Variants in PHLPP2 observed in about 807,000 individuals in gnomAD.
PHLPP2 encodes PH domain leucine-rich repeat-containing protein phosphatase 2.
A neutral mutation model predicts 124.9 loss-of-function variants in PHLPP2; 66 were observed. The ratio of observed to expected loss-of-function variants is 0.53; its 90% CI spans 0.43 to 0.65. The LOEUF is 0.65. Among genes scored for constraint, PHLPP2 ranks in the 30% least tolerant of loss-of-function variants. The probability of loss-of-function intolerance (pLI) is 0.00; values close to 1 mark genes in which losing one functional copy is unlikely to be tolerated. For synonymous variants in PHLPP2, 681 were observed against 624.7 expected (o/e 1.09, Z -1.34); for missense variants, 1,685 against 1,600.4 (o/e 1.05, Z -0.90).
At chr16:71,655,677 G>T (rs949758463) in intron 16 of PHLPP2, among the ~76,000 whole-genome samples, 2 of 151,782 alleles carry the variant, frequency 1.3e-5, no homozygotes, top group Non-Finnish European at 2.9e-5. Flanking sequence ...TAATTTTTTT[G>T]TATTTTTAGT....
At chr16:71,662,294 G>T (rs1476966749) in intron 13 of PHLPP2, among the ~76,000 whole-genome samples, 1 of 151,902 alleles carries the variant, frequency 6.6e-6, no homozygotes, top group Non-Finnish European at 1.5e-5. Context: ...GCCAGGTGTG[G>T]TGGCACATGC....
At position 71,647,699 on chromosome 16, in the gene PHLPP2, T is replaced by G. The variant is rs550430747; in HGVS notation, c.*1191A>C. On this transcript the variant is annotated 3_prime_UTR_variant, in exon 19 of 19. Transcript: ENST00000568954. ...AAAGACGCCAATCCCTAAATTTCCC[T>G]GGGAAATACCTAGCAGGTATCATAT... The G allele has an allele frequency of 6.6e-6, 1 of 152,246 alleles. No homozygotes were observed. Among genetic ancestry groups the G allele is most frequent in the South Asian group, 2.1e-4 (1 of 4,822 alleles). The allele number at this position is 152,246 out of a possible 1,614,324, so 9.4% of individuals were successfully genotyped here. A position where few individuals can be genotyped will look rare whatever the true frequency, so the allele number is the denominator to read the frequency against.
chr16:71,695,176 C>G (rs534067762), intron 3 of PHLPP2, among the ~76,000 whole-genome samples: 81 of 152,192 alleles, frequency 5.3e-4, no homozygotes, highest in Non-Finnish European at 8.5e-4. Flanking sequence ...GTTATACTGA[C>G]AGGATATAAA....
intron 4 of PHLPP2, among the ~76,000 whole-genome samples, chr16:71,689,896 T>A (rs556039306): frequency 1.6e-4 from 24 of 152,192 alleles, no homozygotes; most frequent in Non-Finnish European, 2.5e-4. Flanking sequence ...AAGTGTGAAT[T>A]CATGAGGTAA....
intron 9 of PHLPP2, among the ~76,000 whole-genome samples, chr16:71,673,126 C>A (rs1373121065): frequency 6.6e-6 from 1 of 152,166 alleles, no homozygotes; most frequent in Non-Finnish European, 1.5e-5. Context: ...CATGTTAAGT[C>A]TTTTCCAGTC....
intron 3 of PHLPP2, among the ~76,000 whole-genome samples, chr16:71,694,576 G>C (rs1047730090): frequency 1.3e-5 from 2 of 152,030 alleles, no homozygotes; most frequent in African/African-American, 4.8e-5. Context: ...AAAAAATTGA[G>C]TCACAAATAT....
At chr16:71,710,995 T>C (rs978387677) in intron 2 of PHLPP2, among the ~76,000 whole-genome samples, 2 of 151,704 alleles carry the variant, frequency 1.3e-5, no homozygotes, top group African/African-American at 4.8e-5. Flanking sequence ...TCTGTAACTA[T>C]TAAAACTGGT....
chr16:71,715,823 C>CAAAAAAAAAAAA (rs71153656), intron 1 of PHLPP2, among the ~76,000 whole-genome samples: 4 of 113,068 alleles, frequency 3.5e-5, no homozygotes, highest in Non-Finnish European at 3.7e-5. Context: ...ACTAAAAATA[C>CAAAAAAAAAAAA]AAAAAAAAAA....
chr16:71,658,770 G>T lies in PHLPP2; in HGVS notation c.2031C>A (p.Gly677=), dbSNP rs1251895747. ...TTGTGGGAATGGTTTTAAGCTTGTT[G>T]CCACTTAGGTTCAGTTCCTCCAATT... The part of the protein sequence containing the change: ...LEQLEELNLS[G]NKLKTIPTTI... The change falls in exon 14 of 19, where the codon GGC becomes GGA. Residue 677 remains glycine, a synonymous_variant. Coordinates refer to ENST00000568954, the MANE Select transcript of PHLPP2 (RefSeq NM_015020.3). The T allele has an allele frequency of 6.2e-7, 1 of 1,614,078 alleles. No homozygotes were observed. The highest frequency in any genetic ancestry group is 2.2e-5 in the East Asian group (1 of 44,874).
At chr16:71,655,459 A>G (rs2044734310) in intron 16 of PHLPP2, 25 bp from the exon 17 acceptor site, 24 of 1,568,152 alleles carry the variant, frequency 1.5e-5, no homozygotes, top group Non-Finnish European at 2.1e-5. Flanking sequence ...TGAAAACAGA[A>G]AACAGAAAAG....
Position 71,652,781 on chromosome 16 carries a change from G to T in PHLPP2, c.2817+9C>A. 1 of 1,598,852 alleles carries T rather than the reference G, an allele frequency of 6.3e-7. No homozygotes were observed. Among genetic ancestry groups the T allele is most frequent in the Admixed American group, 1.7e-5 (1 of 59,952 alleles). ...GGAGCAGAAGTGACTGGCGGGGAGC[G>T]GAACACACCTCTGTGATGATGGCTT... On this transcript the variant is annotated intron_variant, in intron 18 of 18. Transcript: ENST00000568954.
At chr16:71,693,258 G>T (rs2045133706) in intron 3 of PHLPP2, among the ~76,000 whole-genome samples, 1 of 152,094 alleles carries the variant, frequency 6.6e-6, no homozygotes, top group South Asian at 2.1e-4. Flanking sequence ...TTGCACTCCA[G>T]CCTGGGGGAC....
In PHLPP2 at chr16:71,719,651, T is replaced by C. The variant is rs148928067; in HGVS notation, c.-7+4678A>G. Among the ~76,000 whole-genome samples, 4 of 152,152 alleles carry C rather than the reference T, an allele frequency of 2.6e-5. No homozygotes were observed. In the East Asian group the frequency reaches 7.7e-4, roughly 29 times the overall value. On this transcript the variant is annotated intron_variant, in intron 1 of 18. Coordinates refer to ENST00000568954, the MANE Select transcript of PHLPP2 (RefSeq NM_015020.3). ...AGAATCTCATGACACACACCGACAT[T>C]AGTTGTAACTTCGTATCTTCTATAA...
At chr16:71,709,936 C>T (rs1270793893) in intron 2 of PHLPP2, among the ~76,000 whole-genome samples, 1 of 152,122 alleles carries the variant, frequency 6.6e-6, no homozygotes, top group African/African-American at 2.4e-5. Context: ...CAGGCTCAAG[C>T]GATTCTCCTA....
intron 4 of PHLPP2, among the ~76,000 whole-genome samples, chr16:71,688,607 G>C (rs1035839104): frequency 1.7e-5 from 2 of 119,066 alleles, no homozygotes; most frequent in Non-Finnish European, 3.5e-5. Context: ...TTTCTCTGTG[G>C]GTTTTTTTTT....
At chr16:71,673,930 T>C (rs1275087433) in intron 9 of PHLPP2, among the ~76,000 whole-genome samples, 1 of 152,144 alleles carries the variant, frequency 6.6e-6, no homozygotes, top group East Asian at 1.9e-4. Context: ...TATAACATAA[T>C]AAAAGGCAAC....
chr16:71,680,598 G>C (rs550604535), intron 6 of PHLPP2, among the ~76,000 whole-genome samples: 5 of 152,182 alleles, frequency 3.3e-5, no homozygotes, highest in Non-Finnish European at 7.3e-5. Flanking sequence ...TTCCACTGGG[G>C]AGTAGGATAC....
At chr16:71,690,749 AGT>A (rs1462950236) in intron 3 of PHLPP2, 40 bp from the exon 4 acceptor site, 1 of 1,361,480 alleles carries the variant, frequency 7.3e-7, no homozygotes, top group South Asian at 1.2e-5. Flanking sequence ...CCATTAAAGT[AGT>A]GTAAGAATAC....
At chr16:71,701,323 T>C (rs182967936) in intron 3 of PHLPP2, among the ~76,000 whole-genome samples, 82 of 3,736 alleles carry the variant, frequency 0.022, no homozygotes, top group African/African-American at 0.077. Flanking sequence ...TATATATCTA[T>C]CTACCTACCT....
Sources: gnomAD v4.1 joint callset for allele counts (sites outside exome capture counted in the v4.1 genomes callset) on GRCh38, gnomAD v4.1.1 for gene constraint, MANE v1.5 for transcripts, NCBI Gene and HGNC (gene_info 2026-07-23, HGNC 2026-07-21) for gene names.